The following PDE7B variants were observed in gnomAD, a reference collection of about 807,000 sequenced individuals.
The protein encoded by PDE7B is 3',5'-cyclic-AMP phosphodiesterase 7B.
PDE7B carries 29 observed loss-of-function variants against 56.2 expected under a neutral mutation model. The ratio of observed to expected loss-of-function variants is 0.52; its 90% CI spans 0.38 to 0.70. PDE7B has a LOEUF of 0.70. Among genes scored for constraint, PDE7B ranks in the 30% least tolerant of loss-of-function variants. The pLI is 0.00. For synonymous variants in PDE7B, 197 were observed against 196.9 expected (o/e 1.00, Z 0.00); for missense variants, 490 against 565.0 (o/e 0.87, Z 1.35).
chr6:135,987,485 T>C (rs1775402618), intron 2 of PDE7B, among the ~76,000 whole-genome samples: 1 of 152,192 alleles, frequency 6.6e-6, no homozygotes, highest in African/African-American at 2.4e-5. Flanking sequence ...TCATTCCATT[T>C]GTGATTGTGG....
intron 11 of PDE7B, among the ~76,000 whole-genome samples, chr6:136,183,482 G>A (rs1448849658): frequency 6.6e-6 from 1 of 150,748 alleles, no homozygotes; most frequent in Non-Finnish European, 1.5e-5. Flanking sequence ...TGTAGTCCCA[G>A]TTACTTGGGA....
chr6:135,941,541 A>G (rs574759991), intron 1 of PDE7B, among the ~76,000 whole-genome samples: 1 of 152,358 alleles, frequency 6.6e-6, no homozygotes, highest in South Asian at 2.1e-4. Flanking sequence ...CTGGCCTAGT[A>G]AACTCCCAGC....
chr6:136,031,694 C>G (rs1165920153), intron 2 of PDE7B, among the ~76,000 whole-genome samples: 5 of 148,932 alleles, frequency 3.4e-5, no homozygotes, highest in African/African-American at 7.4e-5. Context: ...AGCCGAGATC[C>G]CGCCACTGCA....
At chr6:136,003,822 A>C (rs1362805409) in intron 2 of PDE7B, among the ~76,000 whole-genome samples, 1 of 152,192 alleles carries the variant, frequency 6.6e-6, no homozygotes, top group Non-Finnish European at 1.5e-5. Flanking sequence ...AATCAATAGA[A>C]AAAGAGGGAA....
chr6:135,877,542 C>T (rs1775521606), intron 1 of PDE7B, among the ~76,000 whole-genome samples: 1 of 152,014 alleles, frequency 6.6e-6, no homozygotes, highest in African/African-American at 2.4e-5. Context: ...CCCTGAGGGG[C>T]AGCCCAGGGT....
At chr6:135,994,638 T>C (rs1427173178) in intron 2 of PDE7B, among the ~76,000 whole-genome samples, 2 of 152,172 alleles carry the variant, frequency 1.3e-5, no homozygotes, top group African/African-American at 4.8e-5. Flanking sequence ...TCAAGAACAC[T>C]GTCTTTATTA....
chr6:135,962,792 C>A (rs1774929385), intron 2 of PDE7B, among the ~76,000 whole-genome samples: 2 of 152,162 alleles, frequency 1.3e-5, no homozygotes, highest in Non-Finnish European at 2.9e-5. Context: ...CTCACAAAGT[C>A]ACCTGACCCC....
chr6:136,088,679 T>TG (rs979405503), intron 2 of PDE7B, among the ~76,000 whole-genome samples: 36 of 152,138 alleles, frequency 2.4e-4, no homozygotes, highest in Non-Finnish European at 1.5e-4. Flanking sequence ...GACAGTAGGC[T>TG]GGGGGGATAG....
intron 2 of PDE7B, among the ~76,000 whole-genome samples, chr6:136,076,492 A>G (rs1399918950): frequency 1.3e-5 from 2 of 152,212 alleles, no homozygotes; most frequent in East Asian, 3.9e-4. Flanking sequence ...AAAATAAGCT[A>G]ATGTGTGCCC....
rs560913626 is a variant in PDE7B at position 136,108,596 on chromosome 6, A to T, written c.83-135A>T. On this transcript the variant is annotated intron_variant, in intron 2 of 12. Coordinates refer to ENST00000308191, the MANE Select transcript of PDE7B (RefSeq NM_018945.4). ...CAGTATTAAATATTCCTTTCCACATAGCACTCTTCAGTATGGTGAATGGGA... is the reference window on the plus strand; with the variant it reads ...CAGTATTAAATATTCCTTTCCACATTGCACTCTTCAGTATGGTGAATGGGA... 28 of 686,204 alleles carry T rather than the reference A, an allele frequency of 4.1e-5. No individual in the cohort carries two copies. In the South Asian group the frequency reaches 4.1e-4, roughly 10 times the overall value. 42.5% of individuals were successfully genotyped at this position (686,204 alleles called of 1,614,324 possible). A position where few individuals can be genotyped will look rare whatever the true frequency, so the allele number is the denominator to read the frequency against.
Position 136,192,334 on chromosome 6 carries a change from A to T in PDE7B, c.*494A>T, listed in dbSNP as rs948418459. 2.0e-5 allele frequency: 3 copies of T among 152,116 alleles called. No homozygotes were observed. The highest frequency in any genetic ancestry group is 2.1e-4 in the South Asian group (1 of 4,836). The allele number at this position is 152,116 out of a possible 1,614,324, so 9.4% of individuals were successfully genotyped here. ...GAAAGTACCTTCTATTTTAATAATA[A>T]TATTATTATAAAAATAATAAATCTT... On this transcript the variant is annotated 3_prime_UTR_variant, in exon 13 of 13. Transcript: ENST00000308191.
At chr6:136,125,398 T>C (rs910494050) in intron 3 of PDE7B, among the ~76,000 whole-genome samples, 9 of 151,870 alleles carry the variant, frequency 5.9e-5, no homozygotes, top group African/African-American at 1.9e-4. Context: ...AAGACATCTC[T>C]TAAAAAAATT....
intron 2 of PDE7B, among the ~76,000 whole-genome samples, chr6:136,085,802 G>A (rs1358000301): frequency 4.6e-5 from 7 of 152,184 alleles, no homozygotes; most frequent in Admixed American, 2.6e-4. Flanking sequence ...CCCTGGCTCC[G>A]TGGTACCGTA....
At chr6:136,081,936 G>C (rs1777211755) in intron 2 of PDE7B, among the ~76,000 whole-genome samples, 1 of 152,186 alleles carries the variant, frequency 6.6e-6, no homozygotes. Flanking sequence ...ACTTGGAGAG[G>C]TGGTCAAACT....
chr6:135,854,049 C>G (rs62429904), intron 1 of PDE7B, among the ~76,000 whole-genome samples: 80 of 152,314 alleles, frequency 5.3e-4, no homozygotes, highest in Non-Finnish European at 9.8e-4. Flanking sequence ...ATTTCAAACA[C>G]TGACACTTTA....
At chr6:136,122,690 T>C (rs78267228) in intron 3 of PDE7B, among the ~76,000 whole-genome samples, 3,683 of 152,340 alleles carry the variant, frequency 0.024, 175 homozygotes, top group African/African-American at 0.082. Context: ...CTAAGCACTT[T>C]ATATGTATAA....
rs528990374 is a variant in PDE7B at position 136,194,071 on chromosome 6, G to A, written c.*2231G>A. 1 of 152,214 alleles carries A rather than the reference G, an allele frequency of 6.6e-6. No individual in the cohort carries two copies. Among genetic ancestry groups the A allele is most frequent in the African/African-American group, 2.4e-5 (1 of 41,524 alleles). The allele number at this position is 152,214 out of a possible 1,614,324, so 9.4% of individuals were successfully genotyped here. ...TTGGTGAGGCTCCAAAAGAGAATAT[G>A]TCAGATGTATTCCTACTTCCAAACC... On this transcript the variant is annotated 3_prime_UTR_variant, in exon 13 of 13. Coordinates refer to ENST00000308191, the MANE Select transcript of PDE7B (RefSeq NM_018945.4).
At chr6:135,946,928 T>A (rs536638437) in intron 1 of PDE7B, among the ~76,000 whole-genome samples, 1 of 152,186 alleles carries the variant, frequency 6.6e-6, no homozygotes, top group South Asian at 2.1e-4. Context: ...ATAAGAAAGT[T>A]GATATTTCCG....
At chr6:136,158,034 T>C (rs1466042867) in intron 8 of PDE7B, among the ~76,000 whole-genome samples, 2 of 152,174 alleles carry the variant, frequency 1.3e-5, no homozygotes, top group Non-Finnish European at 2.9e-5. Flanking sequence ...CTGCATTAAG[T>C]TATAGATGAG....
Sources: gnomAD v4.1 joint callset for allele counts (sites outside exome capture counted in the v4.1 genomes callset) on GRCh38, gnomAD v4.1.1 for gene constraint, MANE v1.5 for transcripts, NCBI Gene and HGNC (gene_info 2026-07-23, HGNC 2026-07-21) for gene names.